The following ANKS3 variants were observed in gnomAD, a reference collection of about 807,000 sequenced individuals.
The protein encoded by ANKS3 is ankyrin repeat and SAM domain-containing protein 3.
ANKS3 carries 62 observed loss-of-function variants against 80.7 expected under a neutral mutation model. That is an observed-to-expected ratio of 0.77 (90% CI 0.63 to 0.95). The LOEUF is 0.95. Ranked by LOEUF, ANKS3 falls within the 40% of genes least tolerant of loss-of-function variation. The pLI is 0.00. For missense variants in ANKS3, 1,150 were observed against 883.6 expected (o/e 1.30, Z -3.82); for synonymous variants, 489 against 355.3 (o/e 1.38, Z -4.23).
At chr16:4,726,845 G>A (rs2081379239) in intron 4 of ANKS3, 65 bp from the exon 5 acceptor site, 6 of 1,598,224 alleles carry the variant, frequency 3.8e-6, no homozygotes, top group Non-Finnish European at 5.1e-6. Context: ...GCGCCCTCCA[G>A]GCGGCCATGC....
intron 11 of ANKS3, 40 bp from the exon 12 acceptor site, chr16:4,699,216 G>T: frequency 6.2e-7 from 1 of 1,607,956 alleles, no homozygotes. Context: ...GGTAGTGGCT[G>T]ACGACGAAGC....
At chr16:4,721,847 G>C (rs1442653375) in intron 6 of ANKS3, among the ~76,000 whole-genome samples, 1 of 151,022 alleles carries the variant, frequency 6.6e-6, no homozygotes, top group Non-Finnish European at 1.5e-5. Context: ...CCTTGGCCAA[G>C]CTGGTCTCAA....
Position 4,714,204 on chromosome 16 carries a change from A to AG in ANKS3, c.574-19dup. 6.2e-7 allele frequency: 1 copy of AG among 1,613,020 alleles called. No individual in the cohort carries two copies. ...TTGACTCCCTGTGAATGTCCGTGAA[A>AG]GGGGGTTAGGGGCCTCTCCTTCAAA... On this transcript the variant is annotated intron_variant, in intron 6 of 17. Coordinates refer to ENST00000304283, the MANE Select transcript of ANKS3 (RefSeq NM_133450.4).
In ANKS3 at chr16:4,730,053, G is replaced by T; in HGVS notation, c.97C>A (p.Leu33Met). 1 of 1,589,696 alleles carries T rather than the reference G, an allele frequency of 6.3e-7. No individual in the cohort carries two copies. ...GLGTQVSGEE[L>M]DVPLDLHTAA... ...GTGTGAAGATCCAGGGGGACATCCA[G>T]CTCCTCCCCGCTGACCTGTGTCCCG... The change falls in exon 3 of 18, where the codon CTG becomes ATG. Residue 33 changes from leucine (L) to methionine (M), a missense_variant. Coordinates refer to ENST00000304283, the MANE Select transcript of ANKS3 (RefSeq NM_133450.4).
rs923103277 is a variant in ANKS3, at chr16:4,701,667, A to G, written c.1010-124T>C. 8 of 769,054 alleles carry G rather than the reference A, an allele frequency of 1.0e-5. No individual in the cohort carries two copies. The African/African-American group carries it at 1.4e-4, about 14-fold the overall frequency. 47.6% of individuals were successfully genotyped at this position (769,054 alleles called of 1,614,324 possible). On this transcript the variant is annotated intron_variant, in intron 9 of 17. Transcript: ENST00000304283. Reference sequence around the variant, plus strand: ...GGGCCTGCAGCGGTTGCTTCCTTATATTTCAAACTTCCTGCCTGTCCTAAA... The same window carrying G: ...GGGCCTGCAGCGGTTGCTTCCTTATGTTTCAAACTTCCTGCCTGTCCTAAA...
Position 4,697,376 on chromosome 16 carries a change from G to T in ANKS3, c.1851C>A (p.Leu617=), listed in dbSNP as rs780015568. ...GWQASLQAMS[L]PELSGALEDR... is the part of the protein sequence containing the mutation. ...CCTCCAGGGCTCCCGAGAGCTCGGG[G>T]AGGCTCATGGCCTGCAGGGACGCTT... The change falls in exon 16 of 18, where the codon CTC becomes CTA. Residue 617 remains leucine, a synonymous_variant. Coordinates refer to ENST00000304283, the MANE Select transcript of ANKS3 (RefSeq NM_133450.4). 29 of 1,610,388 alleles carry T rather than the reference G, an allele frequency of 1.8e-5. No individual in the cohort carries two copies. In the Admixed American group the frequency reaches 4.7e-4, roughly 26 times the overall value.
chr16:4,699,476 C>T (rs1418232091), intron 11 of ANKS3: 4 of 411,560 alleles, frequency 9.7e-6, no homozygotes, highest in African/African-American at 6.0e-5. Flanking sequence ...CTGATCTCGA[C>T]AATGCTTTGT....
Position 4,698,845 on chromosome 16 carries a change from G to C in ANKS3, c.1506C>G (p.Asp502Glu), listed in dbSNP as rs371634560. 2.4e-5 allele frequency: 39 copies of C among 1,607,478 alleles called. No individual in the cohort carries two copies. In the East Asian group the frequency reaches 8.5e-4, roughly 35 times the overall value. Residue 502 changes from aspartate (D) to glutamate (E), a missense_variant, in exon 13 of 18, where the codon GAC becomes GAG. By Grantham distance (45) the Asp-to-Glu change is conservative. Coordinates refer to ENST00000304283, the MANE Select transcript of ANKS3 (RefSeq NM_133450.4). ...PGDALELAYA[D>E]RLEAEMQELA... ...GCTCCTGCATCTCAGCCTCCAGCCG[G>C]TCGGCGTAGGCCAGCTCCAGGGCAT...
At chr16:4,722,429 A>G (rs781323114) in intron 6 of ANKS3, among the ~76,000 whole-genome samples, 2 of 151,756 alleles carry the variant, frequency 1.3e-5, no homozygotes, top group Non-Finnish European at 2.9e-5. Flanking sequence ...AAATACAAAA[A>G]ATTAGCCGGG....
intron 6 of ANKS3, among the ~76,000 whole-genome samples, chr16:4,722,701 TGAGTTCAG>T (rs2081165979): frequency 6.6e-6 from 1 of 151,878 alleles, no homozygotes. Flanking sequence ...GTGGATTGCC[TGAGTTCAG>T]GAGTTCAAGA....
At position 4,724,826 on chromosome 16, in the gene ANKS3, G is replaced by A. The variant is rs546001347; in HGVS notation, c.497C>T (p.Pro166Leu). The A allele has an allele frequency of 1.2e-5, 19 of 1,613,820 alleles. No homozygotes were observed. The highest frequency in any genetic ancestry group is 4.5e-5 in the East Asian group (2 of 44,874). Residue 166 changes from proline (P) to leucine (L), a missense_variant, in exon 6 of 18, where the codon CCG becomes CTG. By Grantham distance (98) the Pro-to-Leu change is moderately conservative. Coordinates refer to ENST00000304283, the MANE Select transcript of ANKS3 (RefSeq NM_133450.4). ...DSGANANVREPICGFTPLMEA... is the reference protein window; with the variant it reads ...DSGANANVRELICGFTPLMEA... ...CATCAAGGGAGTAAATCCACATATC[G>A]GCTCCCTGCAAGATGTGGGCCACAG...
At chr16:4,720,819 C>T (rs1193225820) in intron 6 of ANKS3, among the ~76,000 whole-genome samples, 1 of 150,654 alleles carries the variant, frequency 6.6e-6, no homozygotes, top group African/African-American at 2.4e-5. Context: ...CGCCTGTAAT[C>T]CCAGCTACTC....
In ANKS3 at chr16:4,727,224, TG is replaced by T. The variant is rs774849166; in HGVS notation, c.171-48del. On this transcript the variant is annotated intron_variant, in intron 3 of 17. Transcript: ENST00000304283. Reference sequence around the variant, plus strand: ...TAGACATGGCCAGCCGCCTCGCATGTGGGGTTCACCAAAGCTGGTGGCGAGG... The same window carrying T: ...TAGACATGGCCAGCCGCCTCGCATGTGGGTTCACCAAAGCTGGTGGCGAGG... 4.4e-6 allele frequency: 7 copies of T among 1,595,664 alleles called. No homozygotes were observed. In the East Asian group the frequency reaches 1.6e-4, roughly 36 times the overall value.
At chr16:4,728,901 T>C (rs1305673243) in intron 3 of ANKS3, among the ~76,000 whole-genome samples, 1 of 152,098 alleles carries the variant, frequency 6.6e-6, no homozygotes, top group African/African-American at 2.4e-5. Flanking sequence ...CAGCACTCCA[T>C]GGGCTGGGTA....
At chr16:4,712,683 T>C (rs1014445556) in intron 7 of ANKS3, among the ~76,000 whole-genome samples, 3 of 152,178 alleles carry the variant, frequency 2.0e-5, no homozygotes, top group Non-Finnish European at 4.4e-5. Flanking sequence ...TAAAATAACA[T>C]ATGCCTTCCC....
chr16:4,725,490 A>G (rs147601133), intron 5 of ANKS3, among the ~76,000 whole-genome samples: 28 of 152,334 alleles, frequency 1.8e-4, no homozygotes, highest in African/African-American at 6.5e-4. Context: ...GTTAATTAGT[A>G]GCATATTTTT....
In ANKS3 at chr16:4,705,268, C is replaced by T. The variant is rs150655776; in HGVS notation, c.710-15G>A. 2 of 1,613,308 alleles carry T rather than the reference C, an allele frequency of 1.2e-6. No homozygotes were observed. Among genetic ancestry groups the T allele is most frequent in the African/African-American group, 2.7e-5 (2 of 75,010 alleles). On this transcript the variant is annotated splice_polypyrimidine_tract_variant and intron_variant, in intron 7 of 17. Transcript: ENST00000304283. ...TTCGTACTTTTCTGTGATCAAACAC[C>T]AAGATTAAGATAGTGTGTTCAGTAA...
rs6500628 is a variant in ANKS3 at position 4,696,590 on chromosome 16, T to A, written c.*318A>T. ...CCTCATTCCTAAGGTCCCACCTCAG[T>A]TGGCACCTGTGCGTGTATATGGATA... On this transcript the variant is annotated 3_prime_UTR_variant, in exon 18 of 18. Transcript: ENST00000304283. The A allele has an allele frequency of 0.025, 4,791 of 192,704 alleles. 240 individuals carry two copies. The highest frequency in any genetic ancestry group is 0.11 in the African/African-American group (4,567 of 42,480). The allele number at this position is 192,704 out of a possible 1,614,324, so 11.9% of individuals were successfully genotyped here. A position where few individuals can be genotyped will look rare whatever the true frequency, so the allele number is the denominator to read the frequency against.
chr16:4,701,006 G>C lies in ANKS3; in HGVS notation c.1248C>G (p.Ser416Arg). 1 of 1,614,052 alleles carries C rather than the reference G, an allele frequency of 6.2e-7. No individual in the cohort carries two copies. The highest frequency in any genetic ancestry group is 1.1e-5 in the South Asian group (1 of 91,092). The change falls in exon 11 of 18, where the codon AGC becomes AGG. Residue 416 changes from serine (S) to arginine (R), a missense_variant. By Grantham distance (110) the Ser-to-Arg change is moderately radical. Transcript: ENST00000304283. ...AGTAGGGGGCCCTCTGAGTCTGGGGGCTGGACTCAGCGAGAAAGCCTTCCC... is the reference window on the plus strand; with the variant it reads ...AGTAGGGGGCCCTCTGAGTCTGGGGCCTGGACTCAGCGAGAAAGCCTTCCC... ...TDREGFLAES[S>R]PQTQRAPYSG...
Sources: gnomAD v4.1 joint callset for allele counts (sites outside exome capture counted in the v4.1 genomes callset) on GRCh38, gnomAD v4.1.1 for gene constraint, MANE v1.5 for transcripts, NCBI Gene and HGNC (gene_info 2026-07-23, HGNC 2026-07-21) for gene names.